The following VPS45 variants were observed in gnomAD, a reference collection of about 807,000 sequenced individuals.
The protein encoded by VPS45 is vacuolar protein sorting 45 homolog.
In VPS45, 35 loss-of-function variants were observed where a neutral mutation model predicts 75.9. The observed-to-expected ratio is 0.46, with a 90% confidence interval of 0.35 to 0.61. The LOEUF (loss-of-function observed/expected upper bound fraction) is 0.61, where lower values mean the gene tolerates loss of function less well. VPS45 is among the 20% of genes least tolerant of loss of function. VPS45 has a pLI of 0.00. For synonymous variants in VPS45, 220 were observed against 238.2 expected, an observed-to-expected ratio of 0.92 and a Z score of 0.70; for missense variants, 559 against 685.9, an observed-to-expected ratio of 0.81 and a Z score of 2.07.
chr1:150,068,260 C>G, intron 1 of VPS45: 1 of 400,970 alleles, frequency 2.5e-6, no homozygotes, highest in Non-Finnish European at 4.4e-6. Flanking sequence ...CCTACTGTTT[C>G]CACTCAACAT....
In VPS45 at chr1:150,070,054, C is replaced by T. The variant is rs1180328207; in HGVS notation, c.228+1290C>T. Among the ~76,000 whole-genome samples the T allele has an allele frequency of 2.0e-5, 3 of 152,128 alleles. 1 individual carries two copies. Among genetic ancestry groups the T allele is most frequent in the Admixed American group, 2.0e-4 (3 of 15,276 alleles). On this transcript the variant is annotated intron_variant, in intron 2 of 14. Coordinates refer to ENST00000644510, the MANE Select transcript of VPS45 (RefSeq NM_007259.5). ...ATATTCCCCTTGTCCCGTCATGCCA[C>T]GGGACGTTTGCATAGTCTTCTTCCT...
chr1:150,121,373 G>C (rs894097309), intron 14 of VPS45, among the ~76,000 whole-genome samples: 15 of 152,008 alleles, frequency 9.9e-5, no homozygotes, highest in African/African-American at 3.6e-4. Flanking sequence ...CAAAGAACCT[G>C]CCCTGAAAAA....
At chr1:150,085,501 T>A (rs1318589704) in intron 10 of VPS45, among the ~76,000 whole-genome samples, 3 of 152,132 alleles carry the variant, frequency 2.0e-5, no homozygotes, top group Non-Finnish European at 4.4e-5. Flanking sequence ...GTATTGGGAT[T>A]TTACAGTGAG....
In VPS45 at chr1:150,101,689, G is replaced by A. The variant is rs138872853; in HGVS notation, c.1493+8041G>A. 5.5e-3 allele frequency among the ~76,000 whole-genome samples: 834 copies of A among 151,510 alleles called. 4 individuals carry two copies. The highest frequency in any genetic ancestry group is 0.019 in the African/African-American group (791 of 41,302). On this transcript the variant is annotated intron_variant, in intron 13 of 14. Transcript: ENST00000644510. ...GCAAAGGTTGCAGTGAGCTGAGATC[G>A]CATCATTGCACTCCAGCTCTGGGCG...
At chr1:150,131,873 T>C (rs1487416653) in intron 14 of VPS45, among the ~76,000 whole-genome samples, 2 of 151,912 alleles carry the variant, frequency 1.3e-5, no homozygotes, top group East Asian at 3.9e-4. Context: ...AAATTATCAA[T>C]GTGTGTGGAG....
At chr1:150,097,766 G>A (rs1485682977) in intron 13 of VPS45, among the ~76,000 whole-genome samples, 1 of 151,812 alleles carries the variant, frequency 6.6e-6, no homozygotes, top group African/African-American at 2.4e-5. Context: ...ATATAAATAT[G>A]TGCTTGACTA....
intron 3 of VPS45, among the ~76,000 whole-genome samples, chr1:150,073,388 A>G (rs587742948): frequency 1.4e-4 from 21 of 152,200 alleles, no homozygotes; most frequent in Admixed American, 2.6e-4. Context: ...AACATTTGCG[A>G]AAAGACTATA....
intron 14 of VPS45, among the ~76,000 whole-genome samples, chr1:150,123,361 G>T (rs2101633039): frequency 6.6e-6 from 1 of 152,302 alleles, no homozygotes; most frequent in East Asian, 1.9e-4. Flanking sequence ...CGTTAATAGG[G>T]TTTTAAGCAG....
At chr1:150,128,632 G>T (rs763621696) in intron 14 of VPS45, among the ~76,000 whole-genome samples, 60 of 152,162 alleles carry the variant, frequency 3.9e-4, no homozygotes, top group Admixed American at 1.2e-3. Flanking sequence ...GAAAAATTAG[G>T]ATACTATGAC....
chr1:150,138,002 A>C (rs1553814319), intron 14 of VPS45, among the ~76,000 whole-genome samples: 1 of 149,900 alleles, frequency 6.7e-6, no homozygotes, highest in Non-Finnish European at 1.5e-5. Flanking sequence ...TACTCTTTCT[A>C]GGCTCCATCT....
At chr1:150,108,384 C>T (rs1657449070) in intron 13 of VPS45, among the ~76,000 whole-genome samples, 1 of 152,126 alleles carries the variant, frequency 6.6e-6, no homozygotes, top group African/African-American at 2.4e-5. Context: ...TGAAATGTGG[C>T]TAGTGCTACT....
At chr1:150,133,001 C>G (rs908663397) in intron 14 of VPS45, among the ~76,000 whole-genome samples, 2 of 152,152 alleles carry the variant, frequency 1.3e-5, no homozygotes, top group Non-Finnish European at 1.5e-5. Context: ...TTTGGGTATT[C>G]ATTATCACCA....
Position 150,077,080 on chromosome 1 carries a change from T to G in VPS45, c.439-14T>G, listed in dbSNP as rs781842590. On this transcript the variant is annotated splice_polypyrimidine_tract_variant and intron_variant, in intron 5 of 14. Transcript: ENST00000644510. ...TTCAAATATTTTCTCTGAATATATG[T>G]TTTTAACAAAAAGGGTCGAAATTGG... The G allele has an allele frequency of 1.7e-5, 27 of 1,613,284 alleles. No individual in the cohort carries two copies. Among genetic ancestry groups the G allele is most frequent in the Non-Finnish European group, 2.3e-5 (27 of 1,179,810 alleles).
intron 2 of VPS45, 101 bp downstream of exon 2, chr1:150,068,865 G>T: frequency 8.0e-7 from 1 of 1,248,270 alleles, no homozygotes; most frequent in South Asian, 1.9e-5. Context: ...CATAATTTGT[G>T]GCATCATAAT....
At chr1:150,110,751 G>T in intron 14 of VPS45, 124 bp downstream of exon 14, 1 of 926,158 alleles carries the variant, frequency 1.1e-6, no homozygotes, top group Non-Finnish European at 1.5e-6. Flanking sequence ...ATTCTCTGGT[G>T]TTTGCAGCTC....
intron 14 of VPS45, among the ~76,000 whole-genome samples, chr1:150,130,294 C>T (rs1345790584): frequency 1.3e-5 from 2 of 149,858 alleles, no homozygotes; most frequent in Admixed American, 1.3e-4. Flanking sequence ...CTCCTCCTCC[C>T]GGGCTTAAGC....
intron 10 of VPS45, among the ~76,000 whole-genome samples, chr1:150,089,694 G>A (rs1040374637): frequency 2.6e-4 from 39 of 152,008 alleles, no homozygotes; most frequent in Non-Finnish European, 2.8e-4. Flanking sequence ...TTAAACTTAC[G>A]CTGTTGATTG....
intron 14 of VPS45, among the ~76,000 whole-genome samples, chr1:150,128,407 T>C (rs1571907509): frequency 6.6e-6 from 1 of 151,996 alleles, no homozygotes; most frequent in East Asian, 1.9e-4. Flanking sequence ...TGACATGGAG[T>C]AAGTGAAATT....
chr1:150,081,973 A>G lies in VPS45; in HGVS notation c.912A>G (p.Lys304=). 6.2e-7 allele frequency: 1 copy of G among 1,611,134 alleles called. No individual in the cohort carries two copies. Among genetic ancestry groups the G allele is most frequent in the South Asian group, 1.1e-5 (1 of 90,808 alleles). The change falls in exon 9 of 15, where the codon AAA becomes AAG. Residue 304 remains lysine (K), a synonymous_variant. Coordinates refer to ENST00000644510, the MANE Select transcript of VPS45 (RefSeq NM_007259.5). Reference sequence around the variant, plus strand: ...AGAAGAAACCAAAAGAACAGCAAAAACTAGAATCAATAGCAGACATGAAGG... The same window carrying G: ...AGAAGAAACCAAAAGAACAGCAAAAGCTAGAATCAATAGCAGACATGAAGG... ...FQKKKPKEQQ[K]LESIADMKAF...
Sources: allele counts gnomAD v4.1 joint callset (sites outside exome capture counted in the v4.1 genomes callset), GRCh38; gene constraint gnomAD v4.1.1; transcripts MANE v1.5; gene names NCBI Gene and HGNC (gene_info 2026-07-23, HGNC 2026-07-21).